Variants in FAM83A observed in about 807,000 individuals in gnomAD.
FAM83A encodes the protein scaffolding CK1 anchoring protein A, also known as protein FAM83A.
In FAM83A, 21 loss-of-function variants were observed where a neutral mutation model predicts 24.4. The observed-to-expected ratio is 0.86, with a 90% CI of 0.61 to 1.24. The LOEUF is 1.24. FAM83A is among the 50% of genes most tolerant of loss of function. The pLI, the probability that FAM83A is intolerant of heterozygous loss-of-function variation, is 0.00. For synonymous variants in FAM83A, 270 were observed against 252.4 expected, an observed-to-expected ratio of 1.07 and a Z score of -0.66; for missense variants, 617 against 579.8, an observed-to-expected ratio of 1.06 and a Z score of -0.66.
At chr8:123,192,953 C>G (rs1484142907) in intron 2 of FAM83A, 1 of 152,304 alleles carries the variant, frequency 6.6e-6, no homozygotes, top group South Asian at 2.1e-4. Flanking sequence ...CTCTCAAGAT[C>G]TCACAGAGCT....
At chr8:123,203,104 T>C (rs1420623605) in intron 3 of FAM83A, among the ~76,000 whole-genome samples, 1 of 152,088 alleles carries the variant, frequency 6.6e-6, no homozygotes, top group East Asian at 1.9e-4. Flanking sequence ...ATGGGATTAC[T>C]ACCCACCATG....
At chr8:123,197,857 C>A (rs2131088443) in intron 3 of FAM83A, among the ~76,000 whole-genome samples, 1 of 152,362 alleles carries the variant, frequency 6.6e-6, no homozygotes, top group South Asian at 2.1e-4. Flanking sequence ...GGGCCGGGTG[C>A]AGTGGCTCAC....
intron 2 of FAM83A, 67 bp downstream of exon 2, chr8:123,192,037 T>C (rs747452014): frequency 1.3e-6 from 2 of 1,527,856 alleles, no homozygotes; most frequent in Non-Finnish European, 1.8e-6. Flanking sequence ...TATGCAATAG[T>C]AACAAATGTC....
intron 1 of FAM83A, among the ~76,000 whole-genome samples, chr8:123,186,886 G>A (rs556893532): frequency 1.2e-4 from 18 of 152,270 alleles, no homozygotes; most frequent in African/African-American, 4.1e-4. Context: ...CACCCAGGAC[G>A]GCAGAGTGGA....
exon 2 of FAM83A, chr8:123,191,840 A>G: frequency 6.2e-7 from 1 of 1,614,088 alleles, no homozygotes; most frequent in South Asian, 1.1e-5. Context: ...ACGGATGTGG[A>G]GATCTTCTGT....
At chr8:123,199,293 A>G (rs941688206) in intron 3 of FAM83A, among the ~76,000 whole-genome samples, 3 of 152,340 alleles carry the variant, frequency 2.0e-5, no homozygotes, top group East Asian at 3.9e-4. Flanking sequence ...TTATAATTCC[A>G]AGCAGGGTCT....
At chr8:123,183,409 G>A in intron 1 of FAM83A, 73 bp downstream of exon 1, 2 of 1,538,742 alleles carry the variant, frequency 1.3e-6, no homozygotes, top group South Asian at 1.3e-5. Context: ...GCAGGGAGGG[G>A]GGTGCATTTT....
chr8:123,196,057 G>C (rs1586783066), intron 3 of FAM83A, among the ~76,000 whole-genome samples: 1 of 152,208 alleles, frequency 6.6e-6, no homozygotes, highest in African/African-American at 2.4e-5. Flanking sequence ...TGTCACCCAG[G>C]CTGGAGTGCA....
intron 1 of FAM83A, among the ~76,000 whole-genome samples, chr8:123,190,560 C>T (rs1209011400): frequency 6.6e-6 from 1 of 152,078 alleles, no homozygotes; most frequent in Non-Finnish European, 1.5e-5. Context: ...CCACCGCGCC[C>T]GGCAGTAATT....
chr8:123,208,070 G>A (rs1824625253), exon 4 of FAM83A: 2 of 1,038,872 alleles, frequency 1.9e-6, no homozygotes, highest in Non-Finnish European at 2.3e-6. Context: ...CAGAGGCACT[G>A]AGAGATAGAT....
exon 4 of FAM83A, chr8:123,208,202 T>G: frequency 4.1e-6 from 4 of 986,642 alleles, no homozygotes; most frequent in Non-Finnish European, 4.8e-6. Flanking sequence ...TTGGGGAAAC[T>G]CCTCCTCTTA....
chr8:123,191,780 CTG>C, intron 1 of FAM83A, 21 bp from the exon 2 acceptor site: 2 of 1,611,556 alleles, frequency 1.2e-6, no homozygotes, highest in Admixed American at 3.3e-5. Flanking sequence ...TTTCTGGTAA[CTG>C]AGCACTCTGC....
intron 3 of FAM83A, among the ~76,000 whole-genome samples, chr8:123,204,484 C>T (rs1234691462): frequency 1.3e-5 from 2 of 152,152 alleles, no homozygotes; most frequent in Admixed American, 6.5e-5. Context: ...ATGTATTGGC[C>T]GGGCGCAGTG....
chr8:123,193,639 A>G (rs1161207054), intron 2 of FAM83A, among the ~76,000 whole-genome samples: 3 of 152,218 alleles, frequency 2.0e-5, no homozygotes, highest in African/African-American at 4.8e-5. Flanking sequence ...ACAGAAGTCC[A>G]TAGACTGGTG....
chr8:123,188,143 G>A (rs1823864091), intron 1 of FAM83A, among the ~76,000 whole-genome samples: 1 of 152,006 alleles, frequency 6.6e-6, no homozygotes, highest in African/African-American at 2.4e-5. Flanking sequence ...CCAAAGTGCT[G>A]GGATTACAGG....
In FAM83A at chr8:123,191,800, C is replaced by G. The variant is rs1189485283; in HGVS notation, c.481-3C>G. On this transcript the variant is annotated splice_region_variant and splice_polypyrimidine_tract_variant and intron_variant, in intron 1 of 3. Coordinates refer to ENST00000690554, the Ensembl canonical transcript of FAM83A. ...GGTAACTGAGCACTCTGCCCTGGCC[C>G]AGGTCCTGGTCATCCTGATGGATGT... is the stretch of plus-strand genomic sequence containing the variant. 1 of 1,613,542 alleles carries G rather than the reference C, an allele frequency of 6.2e-7. No individual in the cohort carries two copies. Among genetic ancestry groups the G allele is most frequent in the South Asian group, 1.1e-5 (1 of 91,024 alleles).
chr8:123,179,506 T>A (rs1421817441), upstream of FAM83A: 1 of 152,192 alleles, frequency 6.6e-6, no homozygotes, highest in Non-Finnish European at 1.5e-5. Context: ...TAGAGCAGCA[T>A]AAATGGACTA....
At chr8:123,191,891 G>C in exon 2 of FAM83A, 1 of 1,614,160 alleles carries the variant, frequency 6.2e-7, no homozygotes, top group Non-Finnish European at 8.5e-7. Context: ...GTGTTCGTTT[G>C]TGTGCTCCTG....
exon 4 of FAM83A, chr8:123,207,661 C>T (rs1383792154): frequency 6.5e-6 from 10 of 1,529,408 alleles, no homozygotes; most frequent in African/African-American, 4.1e-5. Flanking sequence ...CCTGGAGGCC[C>T]TTCCTGCAGG....
Sources: gnomAD v4.1 joint callset for allele counts (sites outside exome capture counted in the v4.1 genomes callset) on GRCh38, gnomAD v4.1.1 for gene constraint, MANE v1.5 for transcripts, NCBI Gene and HGNC (gene_info 2026-07-23, HGNC 2026-07-21) for gene names.